The following INPP5J variants were observed in gnomAD, a reference collection of about 807,000 sequenced individuals.
The protein encoded by INPP5J is inositol polyphosphate-5-phosphatase J.
Under a neutral mutation model 86.6 loss-of-function variants are expected in INPP5J, and 75 were observed. The ratio of observed to expected loss-of-function variants is 0.87; its 90% confidence interval spans 0.72 to 1.05. The LOEUF is 1.05. Ranked by LOEUF, INPP5J falls within the 50% of genes least tolerant of loss-of-function variation. INPP5J has a pLI of 0.00. For missense variants in INPP5J, 1,229 were observed against 1,341.2 expected (o/e 0.92, Z 1.31); for synonymous variants, 540 against 550.0 (o/e 0.98, Z 0.25).
Position 31,122,984 on chromosome 22 carries a change from A to G in INPP5J, c.-31A>G, listed in dbSNP as rs951733744. ...GAGCGGTAGAGCTGGAGCCGGAGCC[A>G]AGGGAGTCCAGGCTGCCGGGGGCTG... On this transcript the variant is annotated 5_prime_UTR_variant, in exon 1 of 13. Transcript: ENST00000331075. 5.1e-6 allele frequency: 7 copies of G among 1,368,492 alleles called. No homozygotes were observed. The highest frequency in any genetic ancestry group is 6.7e-6 in the Non-Finnish European group (7 of 1,044,192). 84.8% of individuals were successfully genotyped at this position (1,368,492 alleles called of 1,614,324 possible).
rs892848766 is a variant in INPP5J at position 31,125,261 on chromosome 22, G to A, written c.522G>A (p.Val174=). ...AGAAGCAGGAGCCACCTGCCTCCGTGGGACCCAAGCCAACACTGGCAGCCT... is the reference window on the plus strand; with the variant it reads ...AGAAGCAGGAGCCACCTGCCTCCGTAGGACCCAAGCCAACACTGGCAGCCT... The part of the protein sequence containing the change: ...RDQKQEPPAS[V]GPKPTLAASG... Residue 174 remains valine (V), a synonymous_variant, in exon 2 of 13, where the codon GTG becomes GTA. Coordinates refer to ENST00000331075, the MANE Select transcript of INPP5J (RefSeq NM_001284285.2). 1 of 1,550,472 alleles carries A rather than the reference G, an allele frequency of 6.4e-7. No individual in the cohort carries two copies. Among genetic ancestry groups the A allele is most frequent in the African/African-American group, 1.4e-5 (1 of 73,142 alleles).
At chr22:31,132,640 G>A (rs1922153965) in intron 9 of INPP5J, among the ~76,000 whole-genome samples, 1 of 152,006 alleles carries the variant, frequency 6.6e-6, no homozygotes, top group Non-Finnish European at 1.5e-5. Context: ...TGGGGAGGCT[G>A]AGACAGGAGA....
chr22:31,129,542 CTTTTTTT>C (rs56039276), intron 9 of INPP5J, among the ~76,000 whole-genome samples: 8 of 96,322 alleles, frequency 8.3e-5, no homozygotes, highest in Non-Finnish European at 1.4e-4. Flanking sequence ...GCCCGGCGCC[CTTTTTTT>C]TTTTTTTTTT....
intron 9 of INPP5J, among the ~76,000 whole-genome samples, chr22:31,130,304 G>A (rs1014028692): frequency 6.6e-6 from 1 of 152,152 alleles, no homozygotes; most frequent in African/African-American, 2.4e-5. Context: ...TCGTGCCACT[G>A]CACTCCAGCC....
Position 31,128,225 on chromosome 22 carries a change from C to G in INPP5J, c.1911C>G (p.Ala637=), listed in dbSNP as rs1921697210. 1 of 1,595,386 alleles carries G rather than the reference C, an allele frequency of 6.3e-7. No individual in the cohort carries two copies. The highest frequency in any genetic ancestry group is 2.3e-5 in the East Asian group (1 of 44,050). ...QLWEKDQLNM[A]KNTWPILKGF... is the part of the protein sequence containing the mutation. ...TGGACCCCCCACAGCTCAACATGGC[C>G]AAGAACACCTGGCCCATTCTGAAGG... is the stretch of plus-strand genomic sequence containing the variant. The change falls in exon 8 of 13, where the codon GCC becomes GCG. Residue 637 remains alanine (A), a synonymous_variant. Coordinates refer to ENST00000331075, the MANE Select transcript of INPP5J (RefSeq NM_001284285.2).
intron 1 of INPP5J, chr22:31,123,783 G>T (rs980021026): frequency 1.3e-5 from 2 of 152,206 alleles, no homozygotes; most frequent in Non-Finnish European, 2.9e-5. Context: ...GGAGACAGGG[G>T]ACATCAGAGA....
At position 31,128,653 on chromosome 22, in the gene INPP5J, A is replaced by G. The variant is rs1921751031; in HGVS notation, c.2192A>G (p.Gln731Arg). ...CCTGTGGCTGCCCAGTTCCTCCTGC[A>G]GGTGAGTTCTGGCCTCATCCTCCCC... is the stretch of plus-strand genomic sequence containing the variant. ...HKPVAAQFLL[Q>R]FAFRDDMPLV... The change falls in exon 9 of 13, where the codon CAG (glutamine) becomes CGG (arginine). Residue 731 changes from glutamine (Q) to arginine (R), a missense_variant and splice_region_variant. Coordinates refer to ENST00000331075, the MANE Select transcript of INPP5J (RefSeq NM_001284285.2). 1 of 1,578,118 alleles carries G rather than the reference A, an allele frequency of 6.3e-7. No homozygotes were observed. Among genetic ancestry groups the G allele is most frequent in the Non-Finnish European group, 8.6e-7 (1 of 1,162,302 alleles).
At chr22:31,133,350 G>A (rs1473487086) in intron 10 of INPP5J, 56 bp from the exon 11 acceptor site, 1 of 1,599,856 alleles carries the variant, frequency 6.3e-7, no homozygotes, top group African/African-American at 1.3e-5. Flanking sequence ...CTGGGAGACT[G>A]CTGGGATCAG....
At chr22:31,127,311 C>T (rs1439923062) in intron 5 of INPP5J, 46 bp from the exon 6 acceptor site, 10 of 1,540,174 alleles carry the variant, frequency 6.5e-6, no homozygotes, top group Middle Eastern at 2.0e-4. Context: ...TGCCTCACCT[C>T]CTGGCCTAAG....
intron 9 of INPP5J, among the ~76,000 whole-genome samples, chr22:31,129,822 T>G (rs907537799): frequency 5.3e-5 from 8 of 151,426 alleles, no homozygotes; most frequent in Non-Finnish European, 1.5e-5. Flanking sequence ...GATTACAAGG[T>G]GTGAGCCACC....
Position 31,125,317 on chromosome 22 carries a change from A to G in INPP5J, c.578A>G (p.Glu193Gly), listed in dbSNP as rs1453740804. The change falls in exon 2 of 13, where the codon GAG becomes GGG. Residue 193 changes from glutamate to glycine, a missense_variant. Glu to Gly is a moderately conservative substitution (Grantham distance 98). Coordinates refer to ENST00000331075, the MANE Select transcript of INPP5J (RefSeq NM_001284285.2). ...CTGAGCCTGGCCCTGGCTTCTGAGG[A>G]GCAGCCCCCAGAACTCCCCTCCACC... The part of the protein sequence containing the change: ...SGLSLALASE[E>G]QPPELPSTPS... 3.9e-6 allele frequency: 6 copies of G among 1,550,294 alleles called. No homozygotes were observed. In the Admixed American group the frequency reaches 1.2e-4, roughly 30 times the overall value.
rs768533266 is a variant in INPP5J at position 31,134,057 on chromosome 22, C to T, written c.2659C>T (p.Arg887Cys). ...SPGKSKRHRS[R>C]SPGLARFPGL... is the part of the protein sequence containing the mutation. The stretch of plus-strand genomic sequence containing the variant: ...TGGCAAGTCCAAGCGACACCGCAGC[C>T]GCAGCCCGGGACTGGCCAGGTTCCC... Residue 887 changes from arginine (R) to cysteine (C), a missense_variant, in exon 13 of 13, where the codon CGC becomes TGC. Physicochemically the swap from Arg to Cys is radical, Grantham distance 180 (BLOSUM62 -3). Transcript: ENST00000331075. 1.6e-5 allele frequency: 25 copies of T among 1,584,306 alleles called. No homozygotes were observed. Among genetic ancestry groups the T allele is most frequent in the Admixed American group, 9.0e-5 (5 of 55,268 alleles).
chr22:31,126,138 T>C, intron 2 of INPP5J, 128 bp downstream of exon 2: 1 of 996,470 alleles, frequency 1.0e-6, no homozygotes, highest in Non-Finnish European at 1.4e-6. Flanking sequence ...AGGGGGTTGC[T>C]GGGCCCACTC....
At chr22:31,126,251 TGG>T in intron 2 of INPP5J, 123 bp from the exon 3 acceptor site, 1 of 874,854 alleles carries the variant, frequency 1.1e-6, no homozygotes, top group Non-Finnish European at 1.8e-6. Context: ...GGGCCTCCTG[TGG>T]GTCCTTCTTA....
In INPP5J at chr22:31,128,030, G is replaced by GACC; in HGVS notation, c.1869_1871dup (p.Asp623_Gln624insHis). ...CTTTGTCAAGTTTGCCATCGACAGT[G>GACC]ACCAGCTCCATCAGCTCTGGGAGAA... On this transcript the variant is annotated inframe_insertion, in exon 7 of 13. Transcript: ENST00000331075. 6.2e-7 allele frequency: 1 copy of GACC among 1,613,248 alleles called. No individual in the cohort carries two copies. Among genetic ancestry groups the GACC allele is most frequent in the Non-Finnish European group, 8.5e-7 (1 of 1,179,616 alleles).
intron 1 of INPP5J, among the ~76,000 whole-genome samples, 166 bp downstream of exon 1, chr22:31,123,285 C>A (rs1393671918): frequency 6.6e-6 from 1 of 152,120 alleles, no homozygotes; most frequent in East Asian, 1.9e-4. Flanking sequence ...GGCTGAGGGG[C>A]AGTGACAGGA....
In INPP5J at chr22:31,134,344, G is replaced by A; in HGVS notation, c.2946G>A (p.Glu982=). Residue 982 remains glutamate (E), a synonymous_variant, in exon 13 of 13, where the codon GAG becomes GAA. Coordinates refer to ENST00000331075, the MANE Select transcript of INPP5J (RefSeq NM_001284285.2). ...GGGGSWGPDR[E]ALAPNSLSPS... is the part of the protein sequence containing the mutation. The stretch of plus-strand genomic sequence containing the variant: ...GTGGCTCCTGGGGACCTGATCGGGA[G>A]GCCCTGGCGCCCAACAGCCTGTCTC... 4 of 1,540,380 alleles carry A rather than the reference G, an allele frequency of 2.6e-6. No individual in the cohort carries two copies. In the South Asian group the frequency reaches 4.8e-5, roughly 19 times the overall value.
At position 31,125,232 on chromosome 22, in the gene INPP5J, G is replaced by A. The variant is rs1437868704; in HGVS notation, c.493G>A (p.Asp165Asn). 6.5e-7 allele frequency: 1 copy of A among 1,550,310 alleles called. No homozygotes were observed. The highest frequency in any genetic ancestry group is 1.4e-5 in the African/African-American group (1 of 73,008). ...GCCCAATCTGGCCCCAACCTCCAGAGACCAGAAGCAGGAGCCACCTGCCTC... is the reference window on the plus strand; with the variant it reads ...GCCCAATCTGGCCCCAACCTCCAGAAACCAGAAGCAGGAGCCACCTGCCTC... ...LGPNLAPTSRDQKQEPPASVG... is the reference protein window; with the variant it reads ...LGPNLAPTSRNQKQEPPASVG... The change falls in exon 2 of 13, where the codon GAC (aspartate) becomes AAC (asparagine). Residue 165 changes from aspartate to asparagine, a missense_variant. Asp to Asn is a conservative substitution (Grantham distance 23, BLOSUM62 1). Transcript: ENST00000331075.
chr22:31,127,070 G>C (rs944817478), intron 5 of INPP5J, 33 bp downstream of exon 5: 16 of 1,410,872 alleles, frequency 1.1e-5, no homozygotes, highest in Non-Finnish European at 1.6e-5. Flanking sequence ...AAGAGGATGG[G>C]ACATGAAGGG....
Sources: gnomAD v4.1 joint callset for allele counts (sites outside exome capture counted in the v4.1 genomes callset) on GRCh38, gnomAD v4.1.1 for gene constraint, MANE v1.5 for transcripts, NCBI Gene and HGNC (gene_info 2026-07-23, HGNC 2026-07-21) for gene names.